Variants in PELI1 observed in about 807,000 individuals in gnomAD.
PELI1 encodes E3 ubiquitin-protein ligase pellino homolog 1.
In PELI1, 15 loss-of-function variants were observed where a neutral mutation model predicts 41.3. The ratio of observed to expected loss-of-function variants is 0.36; its 90% CI spans 0.24 to 0.56. The LOEUF (loss-of-function observed/expected upper bound fraction) is 0.56, where lower values mean the gene tolerates loss of function less well. Ranked by LOEUF, PELI1 falls within the 20% of genes least tolerant of loss-of-function variation. The pLI is 0.82. For missense variants in PELI1, 403 were observed against 525.5 expected (o/e 0.77, Z 2.28); for synonymous variants, 178 against 180.1 (o/e 0.99, Z 0.09).
At chr2:64,142,467 T>C (rs980086047) in intron 1 of PELI1, among the ~76,000 whole-genome samples, 7 of 152,150 alleles carry the variant, frequency 4.6e-5, no homozygotes, top group Non-Finnish European at 8.8e-5. Context: ...AAAGAGCTAG[T>C]AGAAGTGATG....
chr2:64,128,082 A>C (rs1681446986), intron 1 of PELI1, among the ~76,000 whole-genome samples: 1 of 152,160 alleles, frequency 6.6e-6, no homozygotes, highest in Non-Finnish European at 1.5e-5. Flanking sequence ...CTTCACACCC[A>C]AAACTGAGAA....
chr2:64,140,803 ACAAAC>A lies in PELI1; in HGVS notation c.-70+3273_-70+3277del, dbSNP rs1558490162. Among the ~76,000 whole-genome samples the A allele has an allele frequency of 1.7e-3, 218 of 126,600 alleles. 51 individuals are homozygous for A. The highest frequency in any genetic ancestry group is 6.7e-3 in the African/African-American group (196 of 29,290). 83.1% of individuals were successfully genotyped at this position (126,600 alleles called of 152,430 possible). ...GACAACATGCAAAAAAAAAAAACAA[ACAAAC>A]AAAAAAAAACCTAGGGGCAGAACTT... On this transcript the variant is annotated intron_variant, in intron 1 of 6. Coordinates refer to ENST00000358912, the MANE Select transcript of PELI1 (RefSeq NM_020651.4).
chr2:64,092,957 A>G lies in PELI1; in HGVS notation c.*1745T>C, dbSNP rs1468601361. 1 of 152,496 alleles carries G rather than the reference A, an allele frequency of 6.6e-6. No individual in the cohort carries two copies. Among genetic ancestry groups the G allele is most frequent in the Admixed American group, 6.5e-5 (1 of 15,290 alleles). The allele number at this position is 152,496 out of a possible 1,614,324, so 9.4% of individuals were successfully genotyped here. A position where few individuals can be genotyped will look rare whatever the true frequency, so the allele number is the denominator to read the frequency against. ...GAATAAAAATGACTAGAACAAATACAACACAGGACTTGCTTTCTTGCATTA... is the reference window on the plus strand; with the variant it reads ...GAATAAAAATGACTAGAACAAATACGACACAGGACTTGCTTTCTTGCATTA... On this transcript the variant is annotated 3_prime_UTR_variant, in exon 7 of 7. Transcript: ENST00000358912.
At chr2:64,125,820 C>A (rs568611252) in intron 1 of PELI1, among the ~76,000 whole-genome samples, 9 of 152,184 alleles carry the variant, frequency 5.9e-5, no homozygotes, top group Non-Finnish European at 1.2e-4. Flanking sequence ...TTGAGCAACA[C>A]GACATCGTAA....
In PELI1 at chr2:64,100,930, A is replaced by G. The variant is rs528424515; in HGVS notation, c.202-431T>C. On this transcript the variant is annotated intron_variant, in intron 3 of 6. Coordinates refer to ENST00000358912, the MANE Select transcript of PELI1 (RefSeq NM_020651.4). ...TTTTTAGTAGAGACGGCATTTCACC[A>G]TGTTGCCCAGGCTGGTCTTGAACTC... Among the ~76,000 whole-genome samples the G allele has an allele frequency of 3.3e-5, 5 of 151,922 alleles. No homozygotes were observed. The East Asian group carries it at 9.7e-4, about 29-fold the overall frequency.
chr2:64,096,321 AAAT>A lies in PELI1; in HGVS notation c.502-11_502-9del. ...CCATTTGGCAGCCTTCTCCTAGTAG[AAAT>A]AATAGCAGTGAGCTTCCAACTTGTA... is the stretch of plus-strand genomic sequence containing the variant. On this transcript the variant is annotated splice_polypyrimidine_tract_variant and intron_variant, in intron 5 of 6. Coordinates refer to ENST00000358912, the MANE Select transcript of PELI1 (RefSeq NM_020651.4). The A allele has an allele frequency of 1.2e-6, 2 of 1,612,362 alleles. No individual in the cohort carries two copies. Among genetic ancestry groups the A allele is most frequent in the South Asian group, 2.2e-5 (2 of 90,992 alleles).
rs1680168894 is a variant in PELI1 at position 64,094,742 on chromosome 2, T to C, written c.1217A>G (p.Gln406Arg). 1.2e-6 allele frequency: 2 copies of C among 1,614,186 alleles called. No individual in the cohort carries two copies. The highest frequency in any genetic ancestry group is 1.7e-6 in the Non-Finnish European group (2 of 1,180,008). ...PFCAHQLAGEQGYIRLIFQGP... is the reference protein window; with the variant it reads ...PFCAHQLAGERGYIRLIFQGP... Reference sequence around the variant, plus strand: ...TTGAAAAATAAGTCTGATGTAGCCTTGTTCACCAGCCAACTGATGTGCACA... The same window carrying C: ...TTGAAAAATAAGTCTGATGTAGCCTCGTTCACCAGCCAACTGATGTGCACA... Residue 406 changes from glutamine to arginine, a missense_variant, in exon 7 of 7, where the codon CAA becomes CGA. Transcript: ENST00000358912.
At chr2:64,139,380 A>G (rs1681821186) in intron 1 of PELI1, among the ~76,000 whole-genome samples, 1 of 151,926 alleles carries the variant, frequency 6.6e-6, no homozygotes, top group South Asian at 2.1e-4. Flanking sequence ...ATCATGGTTC[A>G]CTGCAGCCTC....
chr2:64,111,146 A>G (rs534516335), intron 1 of PELI1, among the ~76,000 whole-genome samples: 2 of 152,180 alleles, frequency 1.3e-5, no homozygotes, highest in Admixed American at 6.6e-5. Flanking sequence ...CTAGCCCATA[A>G]AAGTCTCCTC....
In PELI1 at chr2:64,096,200, T is replaced by TATTCC. The variant is rs1165041595; in HGVS notation, c.610_614dup (p.Ile205MetfsTer41). On this transcript the variant is annotated frameshift_variant, in exon 6 of 7. Transcript: ENST00000358912. LOFTEE classifies it high-confidence loss of function. The stretch of plus-strand genomic sequence containing the variant: ...TTCCACACACCGATATTTCTCTCCA[T>TATTCC]ATTCCAGGCTTGGAGTCTTCTGTGA... The TATTCC allele has an allele frequency of 6.2e-7, 1 of 1,614,050 alleles. No homozygotes were observed.
chr2:64,130,221 G>A (rs902490529), intron 1 of PELI1, among the ~76,000 whole-genome samples: 3 of 152,006 alleles, frequency 2.0e-5, no homozygotes, highest in Admixed American at 6.6e-5. Flanking sequence ...TGTATTGCCC[G>A]GGCTAGTCTG....
At position 64,104,916 on chromosome 2, in the gene PELI1, A is replaced by G. The variant is rs572497117; in HGVS notation, c.72-86T>C. 3.0e-4 allele frequency: 338 copies of G among 1,119,902 alleles called. 2 individuals carry two copies. The African/African-American group carries it at 4.3e-3, about 14-fold the overall frequency. 69.4% of individuals were successfully genotyped at this position (1,119,902 alleles called of 1,614,324 possible). ...TGTTTGACTTTGCCTTGCAGAATCA[A>G]TTCCCAATTAATTATCTATTAACAC... On this transcript the variant is annotated intron_variant, in intron 2 of 6. Transcript: ENST00000358912.
chr2:64,134,453 A>C (rs113822846), intron 1 of PELI1, among the ~76,000 whole-genome samples: 5 of 152,310 alleles, frequency 3.3e-5, no homozygotes, highest in African/African-American at 1.2e-4. Context: ...ATTTTAAATG[A>C]AAGTAACAGT....
Position 64,096,630 on chromosome 2 carries a change from ACCT to A in PELI1, c.304-23_304-21del. On this transcript the variant is annotated intron_variant, in intron 4 of 6. Transcript: ENST00000358912. Reference sequence around the variant, plus strand: ...GCCAATCTGAGGGAAAAAAAAAAATACCTATAAACCCATTCAAAGAGCACAGTG... The same window carrying A: ...GCCAATCTGAGGGAAAAAAAAAAATAATAAACCCATTCAAAGAGCACAGTG... 1 of 1,494,602 alleles carries A rather than the reference ACCT, an allele frequency of 6.7e-7. No individual in the cohort carries two copies. Among genetic ancestry groups the A allele is most frequent in the Non-Finnish European group, 9.3e-7 (1 of 1,076,632 alleles). 92.6% of individuals were successfully genotyped at this position (1,494,602 alleles called of 1,614,324 possible).
chr2:64,117,455 T>A (rs189227783), intron 1 of PELI1, among the ~76,000 whole-genome samples: 3 of 152,034 alleles, frequency 2.0e-5, no homozygotes, highest in African/African-American at 7.2e-5. Context: ...AATGTTTGAT[T>A]CTCCATGGGG....
chr2:64,138,094 G>GT lies in PELI1; in HGVS notation c.-70+5986dup, dbSNP rs968404933. On this transcript the variant is annotated intron_variant, in intron 1 of 6. Transcript: ENST00000358912. ...CGCTCACCCTGATCTAGTTACGCTA[G>GT]TTTTTTTTGTTTTGTTTTGTTTTTT... Among the ~76,000 whole-genome samples the GT allele has an allele frequency of 7.2e-5, 11 of 151,846 alleles. No individual in the cohort carries two copies. In the East Asian group the frequency reaches 7.7e-4, roughly 11 times the overall value.
At chr2:64,119,535 G>GT (rs1558481477) in intron 1 of PELI1, among the ~76,000 whole-genome samples, 1 of 152,188 alleles carries the variant, frequency 6.6e-6, no homozygotes, top group East Asian at 1.9e-4. Flanking sequence ...ACCTCGTAAC[G>GT]TGTGTAGGTG....
intron 1 of PELI1, among the ~76,000 whole-genome samples, chr2:64,113,945 A>G (rs1286839534): frequency 6.6e-6 from 1 of 152,104 alleles, no homozygotes; most frequent in African/African-American, 2.4e-5. Flanking sequence ...CTTACTACCT[A>G]CTAAACACAA....
At chr2:64,123,312 G>A (rs1406063839) in intron 1 of PELI1, among the ~76,000 whole-genome samples, 1 of 152,198 alleles carries the variant, frequency 6.6e-6, no homozygotes, top group African/African-American at 2.4e-5. Context: ...CCCACTTTGT[G>A]GGCTGTGTTT....
Sources: allele counts gnomAD v4.1 joint callset (sites outside exome capture counted in the v4.1 genomes callset), GRCh38; gene constraint gnomAD v4.1.1; transcripts MANE v1.5; gene names NCBI Gene and HGNC (gene_info 2026-07-23, HGNC 2026-07-21).